GRIP1: variants seen among roughly 807,000 people sequenced by gnomAD.
GRIP1 encodes the protein glutamate receptor-interacting protein 1.
In GRIP1, 45 loss-of-function variants were observed where a neutral mutation model predicts 129.9. That is an observed-to-expected ratio of 0.35 (90% confidence interval 0.27 to 0.44). The LOEUF (loss-of-function observed/expected upper bound fraction) is 0.44, where lower values mean the gene tolerates loss of function less well. Ranked by LOEUF, GRIP1 falls within the 20% of genes least tolerant of loss-of-function variation. The probability of loss-of-function intolerance (pLI) is 1.00; values close to 1 mark genes in which losing one functional copy is unlikely to be tolerated. For missense variants in GRIP1, 1,196 were observed against 1,396.8 expected (o/e 0.86, Z 2.29); for synonymous variants, 530 against 520.8 (o/e 1.02, Z -0.24).
At chr12:66,531,960 G>A (rs2061476184) in intron 4 of GRIP1, among the ~76,000 whole-genome samples, 1 of 152,078 alleles carries the variant, frequency 6.6e-6, no homozygotes, top group Non-Finnish European at 1.5e-5. Flanking sequence ...TTCTAATTCT[G>A]GGCCACCTGT....
intron 1 of GRIP1, among the ~76,000 whole-genome samples, chr12:66,628,898 C>T (rs1303555951): frequency 6.6e-6 from 1 of 152,172 alleles, no homozygotes; most frequent in African/African-American, 2.4e-5. Context: ...CTATTTTTTA[C>T]CCCACCAAAC....
chr12:66,750,433 G>A (rs1271489054), intron 1 of GRIP1, among the ~76,000 whole-genome samples: 2 of 152,136 alleles, frequency 1.3e-5, no homozygotes, highest in African/African-American at 4.8e-5. Context: ...TGGTACCTGA[G>A]AGCCTCAATA....
chr12:66,750,496 CTT>C (rs1299751299), intron 1 of GRIP1, among the ~76,000 whole-genome samples: 1 of 152,162 alleles, frequency 6.6e-6, no homozygotes, highest in Non-Finnish European at 1.5e-5. Flanking sequence ...CCCCTGGCTA[CTT>C]TAGTCTACCT....
chr12:66,702,452 G>A (rs2035382193), intron 1 of GRIP1, among the ~76,000 whole-genome samples: 1 of 152,070 alleles, frequency 6.6e-6, no homozygotes, highest in Non-Finnish European at 1.5e-5. Context: ...CAAGGTAATA[G>A]TTTTTTGATT....
rs77902606 is a variant in GRIP1, at chr12:66,459,443, G to A, written c.1043-3101C>T. Among the ~76,000 whole-genome samples, 591 of 152,156 alleles carry A rather than the reference G, an allele frequency of 3.9e-3. 8 individuals carry two copies. Among genetic ancestry groups the A allele is most frequent in the African/African-American group, 0.013 (550 of 41,502 alleles). On this transcript the variant is annotated intron_variant, in intron 9 of 24. Transcript: ENST00000359742. ...TGTGTTTCAAATGAAGCCAGGGTAC[G>A]GTGAATGCACTTCGGGATTCTACAC...
intron 1 of GRIP1, among the ~76,000 whole-genome samples, chr12:66,610,344 C>G (rs1357123527): frequency 5.9e-5 from 9 of 151,946 alleles, no homozygotes; most frequent in Non-Finnish European, 1.3e-4. Context: ...TAAGCACTGA[C>G]AAGAACAAGT....
chr12:66,713,698 G>A (rs926727215), intron 1 of GRIP1, among the ~76,000 whole-genome samples: 9 of 151,972 alleles, frequency 5.9e-5, no homozygotes, highest in African/African-American at 2.2e-4. Flanking sequence ...CTCTCATAGA[G>A]TTAATTCCTT....
intron 7 of GRIP1, among the ~76,000 whole-genome samples, chr12:66,503,039 T>C (rs1363774524): frequency 1.3e-5 from 2 of 152,132 alleles, no homozygotes; most frequent in African/African-American, 4.8e-5. Context: ...AGTTATCACA[T>C]TGCTGCTCTA....
At chr12:66,436,029 A>G (rs1218692702) in intron 13 of GRIP1, among the ~76,000 whole-genome samples, 1 of 152,264 alleles carries the variant, frequency 6.6e-6, no homozygotes, top group African/African-American at 2.4e-5. Context: ...CAATATTTGG[A>G]AAAACAGCAG....
chr12:66,435,480 A>T (rs1195806370), intron 13 of GRIP1, among the ~76,000 whole-genome samples: 2 of 152,208 alleles, frequency 1.3e-5, no homozygotes, highest in Admixed American at 1.3e-4. Context: ...CTGTGATTAC[A>T]GGCGGAGCCA....
At chr12:66,867,709 A>AT (rs2040229800) in intron 1 of GRIP1, among the ~76,000 whole-genome samples, 1 of 152,150 alleles carries the variant, frequency 6.6e-6, no homozygotes, top group South Asian at 2.1e-4. Flanking sequence ...AAAAACACCC[A>AT]TTTTTCTAAG....
At chr12:66,385,373 TA>T (rs1361019898) in intron 19 of GRIP1, among the ~76,000 whole-genome samples, 1 of 151,530 alleles carries the variant, frequency 6.6e-6, no homozygotes, top group East Asian at 2.0e-4. Context: ...CCATCTCTAC[TA>T]AAAACATAAA....
At chr12:66,677,510 T>C (rs543023136) in intron 1 of GRIP1, among the ~76,000 whole-genome samples, 5 of 152,182 alleles carry the variant, frequency 3.3e-5, no homozygotes, top group African/African-American at 4.8e-5. Flanking sequence ...GATAGTCTCT[T>C]AGTCATGATT....
chr12:66,481,885 G>T (rs12426810), intron 7 of GRIP1, among the ~76,000 whole-genome samples: 40,058 of 151,660 alleles, frequency 0.26, 5,493 homozygotes, highest in Middle Eastern at 0.43. Context: ...ACTCATAAGT[G>T]GGAATTGAAC....
At chr12:66,550,166 C>T (rs2080079871) in intron 2 of GRIP1, among the ~76,000 whole-genome samples, 1 of 152,080 alleles carries the variant, frequency 6.6e-6, no homozygotes, top group Non-Finnish European at 1.5e-5. Flanking sequence ...TTAAGCTTTC[C>T]AATGTCAAAC....
chr12:66,391,603 G>A (rs2137508366), intron 19 of GRIP1, among the ~76,000 whole-genome samples: 1 of 152,288 alleles, frequency 6.6e-6, no homozygotes, highest in Middle Eastern at 3.4e-3. Context: ...TATTATCCTA[G>A]CACTTTGGGA....
At chr12:66,485,424 AAAT>A (rs1260671665) in intron 7 of GRIP1, among the ~76,000 whole-genome samples, 1 of 151,022 alleles carries the variant, frequency 6.6e-6, no homozygotes, top group East Asian at 1.9e-4. Context: ...ATAATTTAAA[AAAT>A]AATTAAAATA....
chr12:66,570,646 C>G (rs1298875392), intron 2 of GRIP1, among the ~76,000 whole-genome samples: 1 of 152,172 alleles, frequency 6.6e-6, no homozygotes, highest in Non-Finnish European at 1.5e-5. Context: ...GTAACTGAGT[C>G]TCGAATTTCT....
At chr12:66,395,272 T>C (rs2056746532) in intron 16 of GRIP1, among the ~76,000 whole-genome samples, 1 of 152,246 alleles carries the variant, frequency 6.6e-6, no homozygotes, top group Non-Finnish European at 1.5e-5. Context: ...TGGGCACTTC[T>C]TGTTTTATTC....
Sources: allele counts gnomAD v4.1 joint callset (sites outside exome capture counted in the v4.1 genomes callset), GRCh38; gene constraint gnomAD v4.1.1; transcripts MANE v1.5; gene names NCBI Gene and HGNC (gene_info 2026-07-23, HGNC 2026-07-21).